RUSC2: variants seen among roughly 807,000 people sequenced by gnomAD.
The protein encoded by RUSC2 is RUN and SH3 domain containing 2, also known as AP-4 complex accessory subunit RUSC2.
RUSC2 carries 34 observed loss-of-function variants against 122.2 expected under a neutral mutation model. The observed-to-expected ratio is 0.28, with a 90% CI of 0.21 to 0.37. RUSC2 has a LOEUF of 0.37. RUSC2 is among the 10% of genes least tolerant of loss of function. The pLI is 1.00. For missense variants in RUSC2, 1,747 were observed against 1,952.4 expected (o/e 0.89, Z 1.98); for synonymous variants, 784 against 790.0 (o/e 0.99, Z 0.13).
chr9:35,535,700 G>A (rs954550395), intron 1 of RUSC2, among the ~76,000 whole-genome samples: 2 of 151,636 alleles, frequency 1.3e-5, no homozygotes, highest in African/African-American at 2.4e-5. Context: ...CACCACGCCC[G>A]GCTAATTTTT....
rs756400036 is a variant in RUSC2 at position 35,546,648 on chromosome 9, A to T, written c.127A>T (p.Asn43Tyr). 2 of 1,572,610 alleles carry T rather than the reference A, an allele frequency of 1.3e-6. No homozygotes were observed. Among genetic ancestry groups the T allele is most frequent in the Non-Finnish European group, 1.7e-6 (2 of 1,160,062 alleles). Residue 43 changes from asparagine (N) to tyrosine (Y), a missense_variant, in exon 2 of 12, where the codon AAT becomes TAT. Coordinates refer to ENST00000361226, the MANE Select transcript of RUSC2 (RefSeq NM_014806.5). The surrounding 1 kb of genome is among the most constrained non-coding windows in gnomAD (Gnocchi z 4.3). ...AGGGGGSTRP[N>Y]PFCPPELGIT... ...TGGAGGTGGTGGGAGCACAAGACCT[A>T]ATCCCTTCTGCCCACCTGAGCTGGG...
chr9:35,561,883 C>T lies in RUSC2; in HGVS notation c.*501C>T, dbSNP rs1291096392. ...ATTATACCTATTAATAAAAAAGGTG[C>T]TCAGCCTCCAAACCATTTTCTCTTT... On this transcript the variant is annotated 3_prime_UTR_variant, in exon 12 of 12. Transcript: ENST00000361226. 7.0e-6 allele frequency: 5 copies of T among 716,252 alleles called. No individual in the cohort carries two copies. The highest frequency in any genetic ancestry group is 2.1e-5 in the Admixed American group (1 of 46,752). 44.4% of individuals were successfully genotyped at this position (716,252 alleles called of 1,614,324 possible).
intron 1 of RUSC2, among the ~76,000 whole-genome samples, chr9:35,523,887 C>T (rs2132520859): frequency 6.6e-6 from 1 of 151,804 alleles, no homozygotes; most frequent in African/African-American, 2.4e-5. Flanking sequence ...ACATCAAAAT[C>T]AGTAATGGAT....
intron 1 of RUSC2, among the ~76,000 whole-genome samples, chr9:35,504,398 C>A (rs1820873438): frequency 6.6e-6 from 1 of 151,190 alleles, no homozygotes; most frequent in South Asian, 2.1e-4. Flanking sequence ...TATTTTGTTT[C>A]CTCTTCTCTG....
Position 35,559,206 on chromosome 9 carries a change from C to T in RUSC2, c.3342-20C>T, listed in dbSNP as rs1289874762. 6.2e-7 allele frequency: 1 copy of T among 1,606,152 alleles called. No individual in the cohort carries two copies. The highest frequency in any genetic ancestry group is 8.5e-7 in the Non-Finnish European group (1 of 1,172,726). ...CTGTATTCACACAAGACTCAACTCT[C>T]TTCACCTGTCTCCCTACAGCATCCG... On this transcript the variant is annotated intron_variant, in intron 8 of 11. Transcript: ENST00000361226.
At chr9:35,521,994 C>A (rs1431827595) in intron 1 of RUSC2, among the ~76,000 whole-genome samples, 1 of 152,220 alleles carries the variant, frequency 6.6e-6, no homozygotes, top group African/African-American at 2.4e-5. Context: ...TCTCTCTTTA[C>A]AGTTCAGTCC....
At chr9:35,495,062 TA>T (rs1363035309) in intron 1 of RUSC2, among the ~76,000 whole-genome samples, 3 of 76,352 alleles carry the variant, frequency 3.9e-5, no homozygotes, top group East Asian at 3.2e-4. Context: ...ATATATACTA[TA>T]GTATATATTA....
At chr9:35,549,231 C>A (rs985028976) in intron 2 of RUSC2, 2 of 984,704 alleles carry the variant, frequency 2.0e-6, no homozygotes, top group Admixed American at 1.2e-4. Context: ...TTTGCAGTGC[C>A]TAAGGGGCAA....
intron 1 of RUSC2, among the ~76,000 whole-genome samples, chr9:35,518,449 T>A (rs1443556843): frequency 1.3e-5 from 2 of 152,200 alleles, no homozygotes; most frequent in African/African-American, 4.8e-5. Flanking sequence ...TTTCCAGCTG[T>A]CAGCCTCCTC....
At position 35,556,389 on chromosome 9, in the gene RUSC2, T is replaced by G; in HGVS notation, c.2924T>G (p.Phe975Cys). Residue 975 changes from phenylalanine to cysteine, a missense_variant, in exon 5 of 12, where the codon TTT (phenylalanine) becomes TGT (cysteine). Transcript: ENST00000361226. ...TTGACGGAGAAGCCTCCAGCTGAGT[T>G]TTGTCTGTCCCCAGATGGCAGCTCA... ...FSLTEKPPAE[F>C]CLSPDGSSEA... 6.2e-7 allele frequency: 1 copy of G among 1,614,244 alleles called. No homozygotes were observed. The highest frequency in any genetic ancestry group is 8.5e-7 in the Non-Finnish European group (1 of 1,180,048).
intron 1 of RUSC2, among the ~76,000 whole-genome samples, chr9:35,540,049 G>A (rs1050069569): frequency 4.6e-5 from 7 of 152,122 alleles, no homozygotes; most frequent in Admixed American, 6.6e-5. Flanking sequence ...GGGTTTTCCC[G>A]CCCAGAGTTG....
chr9:35,521,912 T>A (rs1275148574), intron 1 of RUSC2, among the ~76,000 whole-genome samples: 1 of 151,508 alleles, frequency 6.6e-6, no homozygotes, highest in Non-Finnish European at 1.5e-5. Context: ...GGGCATTGGC[T>A]GCTATTCCAT....
intron 1 of RUSC2, among the ~76,000 whole-genome samples, chr9:35,501,385 T>G (rs905084532): frequency 6.6e-6 from 1 of 152,196 alleles, no homozygotes; most frequent in African/African-American, 2.4e-5. Context: ...GAAACCAGCC[T>G]TGGCAACATG....
intron 1 of RUSC2, among the ~76,000 whole-genome samples, chr9:35,536,883 T>C (rs1286742907): frequency 6.7e-6 from 1 of 149,462 alleles, no homozygotes; most frequent in Non-Finnish European, 1.5e-5. Flanking sequence ...GAGGCTCAAC[T>C]TGATTCTCTG....
At chr9:35,501,577 A>G (rs1820817723) in intron 1 of RUSC2, among the ~76,000 whole-genome samples, 1 of 152,218 alleles carries the variant, frequency 6.6e-6, no homozygotes, top group Non-Finnish European at 1.5e-5. Context: ...GCTCCATCTC[A>G]AAAGAAATGT....
intron 1 of RUSC2, among the ~76,000 whole-genome samples, chr9:35,496,481 A>T (rs10972496): frequency 6.6e-6 from 1 of 152,114 alleles, no homozygotes; most frequent in East Asian, 1.9e-4. Context: ...TCAAGCTTGC[A>T]CTTGGCCAGC....
chr9:35,510,268 T>C (rs1337073635), intron 1 of RUSC2, among the ~76,000 whole-genome samples: 2 of 152,200 alleles, frequency 1.3e-5, no homozygotes, highest in South Asian at 2.1e-4. Context: ...TTCCAGAACT[T>C]TGGGAGGCCG....
chr9:35,490,396 C>A (rs1440345724), intron 1 of RUSC2, among the ~76,000 whole-genome samples: 2 of 151,976 alleles, frequency 1.3e-5, no homozygotes, highest in Non-Finnish European at 2.9e-5. Flanking sequence ...CCTGACCCTT[C>A]AGCTCTGCGT....
intron 1 of RUSC2, among the ~76,000 whole-genome samples, chr9:35,501,287 C>G (rs1380971681): frequency 6.6e-6 from 1 of 152,130 alleles, no homozygotes; most frequent in East Asian, 1.9e-4. Context: ...TCAGAAGTCA[C>G]TGATACAGGC....
Sources: allele counts gnomAD v4.1 joint callset (sites outside exome capture counted in the v4.1 genomes callset), GRCh38; gene constraint gnomAD v4.1.1; non-coding constraint Gnocchi (gnomAD v3.1); transcripts MANE v1.5; gene names NCBI Gene and HGNC (gene_info 2026-07-23, HGNC 2026-07-21).